Variants in BCAM observed in about 807,000 individuals in gnomAD.
The protein encoded by BCAM is basal cell adhesion molecule (Lutheran blood group), also known as basal cell adhesion molecule.
In BCAM, 61 loss-of-function variants were observed where a neutral mutation model predicts 72.4. The ratio of observed to expected loss-of-function variants is 0.84; its 90% CI spans 0.69 to 1.04. The LOEUF (loss-of-function observed/expected upper bound fraction) is 1.04, where lower values mean the gene tolerates loss of function less well. Among genes scored for constraint, BCAM ranks in the 50% least tolerant of loss-of-function variants. The probability of loss-of-function intolerance (pLI) is 0.00; values close to 1 mark genes in which losing one functional copy is unlikely to be tolerated. For missense variants in BCAM, 909 were observed against 895.0 expected (o/e 1.02, Z -0.20); for synonymous variants, 408 against 384.2 (o/e 1.06, Z -0.73).
In BCAM at chr19:44,813,831, C is replaced by T. The variant is rs1968465215; in HGVS notation, c.784+211C>T. The stretch of plus-strand genomic sequence containing the variant: ...CTGACCTCCGACCTCCACTTAGCAC[C>T]CTGGACCCCATGAAGTTTATGACTA... On this transcript the variant is annotated intron_variant, in intron 6 of 14. Coordinates refer to ENST00000270233, the MANE Select transcript of BCAM (RefSeq NM_005581.5). The surrounding 1 kb of genome is among the most constrained non-coding windows in gnomAD (Gnocchi z 4.2). Among the ~76,000 whole-genome samples, 2 of 152,134 alleles carry T rather than the reference C, an allele frequency of 1.3e-5. No individual in the cohort carries two copies. Among genetic ancestry groups the T allele is most frequent in the Non-Finnish European group, 2.9e-5 (2 of 68,024 alleles).
Position 44,812,039 on chromosome 19 carries a change from C to A in BCAM, c.205-124C>A. 1.1e-6 allele frequency: 1 copy of A among 915,796 alleles called. No homozygotes were observed. Among genetic ancestry groups the A allele is most frequent in the Non-Finnish European group, 1.7e-6 (1 of 605,232 alleles). 56.7% of individuals were successfully genotyped at this position (915,796 alleles called of 1,614,324 possible). On this transcript the variant is annotated intron_variant, in intron 2 of 14. Transcript: ENST00000270233. The surrounding 1 kb of genome is among the most constrained non-coding windows in gnomAD (Gnocchi z 5.3). ...AGAAGGTGGGGAGGGACAGAGGGAC[C>A]AGGGAGACCCATAACAAGAGGAAAA...
rs1267394362 is a variant in BCAM, at chr19:44,809,171, T to C, written c.47T>C (p.Leu16Pro). Reference protein sequence around the residue: ...APAQARGAPRLLLLAVLLAAH... With the variant: ...APAQARGAPRPLLLAVLLAAH... ...GCCCAGGCGCGCGGGGCCCCGCGGC[T>C]GCTGTTGCTCGCAGTCCTGCTGGCG... is the stretch of plus-strand genomic sequence containing the variant. The change falls in exon 1 of 15, where the codon CTG (leucine) becomes CCG (proline). Residue 16 changes from leucine (L) to proline (P), a missense_variant. Physicochemically the swap from Leu to Pro is moderately conservative, Grantham distance 98 (BLOSUM62 -3). Transcript: ENST00000270233. The C allele has an allele frequency of 1.4e-6, 2 of 1,473,316 alleles. No individual in the cohort carries two copies. Among genetic ancestry groups the C allele is most frequent in the Admixed American group, 2.3e-5 (1 of 42,870 alleles). The allele number at this position is 1,473,316 out of a possible 1,614,324, so 91.3% of individuals were successfully genotyped here. A position where few individuals can be genotyped will look rare whatever the true frequency, so the allele number is the denominator to read the frequency against.
chr19:44,820,240 C>CTA, intron 13 of BCAM: 1 of 1,007,754 alleles, frequency 9.9e-7, no homozygotes, highest in Non-Finnish European at 1.2e-6. Flanking sequence ...TCCTCCAAGC[C>CTA]TATCTCTCAC....
Position 44,818,759 on chromosome 19 carries a change from G to A in BCAM, c.1213G>A (p.Asp405Asn), listed in dbSNP as rs774225110. Residue 405 changes from aspartate (D) to asparagine (N), a missense_variant, in exon 10 of 15, where the codon GAT becomes AAT. Transcript: ENST00000270233. The surrounding 1 kb of genome is among the most constrained non-coding windows in gnomAD (Gnocchi z 4.6). ...TTCCCAGGACTCCACTCCCCTGGGC[G>A]ATGGCCCCATGCTGTCGCTCAGTTC... ...RWTKDSTPLG[D>N]GPMLSLSSIT... is the part of the protein sequence containing the mutation. 15 of 1,613,954 alleles carry A rather than the reference G, an allele frequency of 9.3e-6. No individual in the cohort carries two copies. The highest frequency in any genetic ancestry group is 8.0e-5 in the African/African-American group (6 of 74,900).
chr19:44,818,396 G>A lies in BCAM; in HGVS notation c.1079-126G>A. ...GATTTCATGGAGATGGGGTAAACCA[G>A]GAGGATTACTTGCTGTTCTCTGCTT... On this transcript the variant is annotated intron_variant, in intron 8 of 14. Coordinates refer to ENST00000270233, the MANE Select transcript of BCAM (RefSeq NM_005581.5). This position sits in a 1 kb window ranked among gnomAD's most constrained non-coding sequence, Gnocchi z 4.6. The A allele has an allele frequency of 1.4e-6, 1 of 695,450 alleles. No homozygotes were observed. The allele number at this position is 695,450 out of a possible 1,614,324, so 43.1% of individuals were successfully genotyped here. A position where few individuals can be genotyped will look rare whatever the true frequency, so the allele number is the denominator to read the frequency against.
Position 44,819,400 on chromosome 19 carries a change from A to G in BCAM, c.1528A>G (p.Lys510Glu). The change falls in exon 12 of 15, where the codon AAA (lysine) becomes GAA (glutamate). Residue 510 changes from lysine (K) to glutamate (E), a missense_variant. Transcript: ENST00000270233. ...TTGGGTGAGCAGCTCTCTGACCCTG[A>G]AAGTGACCAGCGCCCTGAGCCGCGA... ...QGWVSSSLTL[K>E]VTSALSRDGI... 6.2e-7 allele frequency: 1 copy of G among 1,614,076 alleles called. No homozygotes were observed. The highest frequency in any genetic ancestry group is 8.5e-7 in the Non-Finnish European group (1 of 1,179,952).
rs556440715 is a variant in BCAM, at chr19:44,814,211, C to A, written c.844C>A (p.Arg282Ser). 1.3e-6 allele frequency: 2 copies of A among 1,585,728 alleles called. No homozygotes were observed. Among genetic ancestry groups the A allele is most frequent in the Admixed American group, 1.9e-5 (1 of 53,344 alleles). The change falls in exon 7 of 15, where the codon CGC becomes AGC. Residue 282 changes from arginine (R) to serine (S), a missense_variant. Arg to Ser is a moderately radical substitution (Grantham distance 110, BLOSUM62 -1). Coordinates refer to ENST00000270233, the MANE Select transcript of BCAM (RefSeq NM_005581.5). This position sits in a 1 kb window ranked among gnomAD's most constrained non-coding sequence, Gnocchi z 4.6. ...CCCGTCCACCCCAGCAGGCTGGGTACGCGAGGGTGACACTGTCCAGCTGCT... is the reference window on the plus strand; with the variant it reads ...CCCGTCCACCCCAGCAGGCTGGGTAAGCGAGGGTGACACTGTCCAGCTGCT... ...GSPSTPAGWV[R>S]EGDTVQLLCR...
At position 44,813,619 on chromosome 19, in the gene BCAM, C is replaced by T; in HGVS notation, c.783C>T (p.His261=). 6.2e-7 allele frequency: 1 copy of T among 1,611,394 alleles called. No homozygotes were observed. Among genetic ancestry groups the T allele is most frequent in the Non-Finnish European group, 8.5e-7 (1 of 1,179,424 alleles). The part of the protein sequence containing the change: ...LDSPTFHLTL[H]YPTEHVQFWV... ...GCCCCACCTTCCACCTCACCCTGCACTGTGAGTCTGTGCTGGCCTTTGACC... is the reference window on the plus strand; with the variant it reads ...GCCCCACCTTCCACCTCACCCTGCATTGTGAGTCTGTGCTGGCCTTTGACC... Residue 261 remains histidine, a splice_region_variant and synonymous_variant, in exon 6 of 15, where the codon CAC becomes CAT. Transcript: ENST00000270233. This position sits in a 1 kb window ranked among gnomAD's most constrained non-coding sequence, Gnocchi z 4.2.
chr19:44,811,762 G>A, intron 2 of BCAM: 1 of 321,148 alleles, frequency 3.1e-6, no homozygotes, highest in Non-Finnish European at 5.8e-6. Context: ...GCATGTGCCT[G>A]TAATCCCAGC....
chr19:44,813,270 G>T lies in BCAM; in HGVS notation c.525G>T (p.Arg175=), dbSNP rs1261155332. The change falls in exon 5 of 15, where the codon CGG becomes CGT. Residue 175 remains arginine, a synonymous_variant. Coordinates refer to ENST00000270233, the MANE Select transcript of BCAM (RefSeq NM_005581.5). This position sits in a 1 kb window ranked among gnomAD's most constrained non-coding sequence, Gnocchi z 4.2. ...CTCAGATCGCCACCTGCAACAGCCG[G>T]AACGGGAACCCGGCCCCCAAGATCA... ...SAQEIATCNS[R]NGNPAPKITW... 6.2e-6 allele frequency: 10 copies of T among 1,613,984 alleles called. No homozygotes were observed. Among genetic ancestry groups the T allele is most frequent in the Non-Finnish European group, 8.5e-6 (10 of 1,180,018 alleles).
chr19:44,820,763 C>A lies in BCAM; in HGVS notation c.1822C>A (p.Leu608Ile). Residue 608 changes from leucine to isoleucine, a missense_variant, in exon 14 of 15, where the codon CTT (leucine) becomes ATT (isoleucine). By Grantham distance (5) the Leu-to-Ile change is conservative (BLOSUM62 2). Coordinates refer to ENST00000270233, the MANE Select transcript of BCAM (RefSeq NM_005581.5). ...SGSEQPEQTGLLMGGASGGAR... is the reference protein window; with the variant it reads ...SGSEQPEQTGILMGGASGGAR... ...GTCGGAGCAACCAGAGCAGACCGGC[C>A]TTCTCATGGGAGGTGCCTCCGGAGG... 6.7e-7 allele frequency: 1 copy of A among 1,501,918 alleles called. No individual in the cohort carries two copies. Among genetic ancestry groups the A allele is most frequent in the Non-Finnish European group, 8.9e-7 (1 of 1,120,638 alleles). The allele number at this position is 1,501,918 out of a possible 1,614,324, so 93.0% of individuals were successfully genotyped here. A position where few individuals can be genotyped will look rare whatever the true frequency, so the allele number is the denominator to read the frequency against.
intron 1 of BCAM, among the ~76,000 whole-genome samples, chr19:44,810,720 T>C (rs1274291297): frequency 6.6e-6 from 1 of 151,576 alleles, no homozygotes; most frequent in Non-Finnish European, 1.5e-5. Context: ...CCCTGGGGGG[T>C]GGCGTGTGCT....
chr19:44,812,267 G>C lies in BCAM; in HGVS notation c.309G>C (p.Gln103His). 2.5e-6 allele frequency: 4 copies of C among 1,610,568 alleles called. No individual in the cohort carries two copies. The highest frequency in any genetic ancestry group is 3.4e-6 in the Non-Finnish European group (4 of 1,178,088). Residue 103 changes from glutamine (Q) to histidine (H), a missense_variant, in exon 3 of 15, where the codon CAG (glutamine) becomes CAC (histidine). By Grantham distance (24) the Gln-to-His change is conservative. Transcript: ENST00000270233. This position sits in a 1 kb window ranked among gnomAD's most constrained non-coding sequence, Gnocchi z 5.3. ...CCCGGGGCCGCAGTCCCCCATACCA[G>C]CTGGACTCCCAGGGGCGCCTGGTGC... ...HDTRGRSPPY[Q>H]LDSQGRLVLA... is the part of the protein sequence containing the mutation.
Position 44,819,608 on chromosome 19 carries a change from G to GTGGCCGTCA in BCAM, c.1653_1661dup (p.Met552_Val554dup), listed in dbSNP as rs759619819. 10 of 1,613,370 alleles carry GTGGCCGTCA rather than the reference G, an allele frequency of 6.2e-6. No individual in the cohort carries two copies. Among genetic ancestry groups the GTGGCCGTCA allele is most frequent in the Non-Finnish European group, 8.5e-6 (10 of 1,179,692 alleles). On this transcript the variant is annotated inframe_insertion, in exon 13 of 15. Transcript: ENST00000270233. ...GAGCCCCCAGACCTCCCAGGCTGGAGTGGCCGTCATGGCCGTGGCCGTCAG... is the reference window on the plus strand; with the variant it reads ...GAGCCCCCAGACCTCCCAGGCTGGAGTGGCCGTCATGGCCGTCATGGCCGTGGCCGTCAG...
rs564937889 is a variant in BCAM at position 44,809,266 on chromosome 19, A to G, written c.82+60A>G. ...GAGAGGCCCCTGGGGACCCCGGGAA[A>G]GCGAGGAGAAAGGGCTTTACCCTGA... On this transcript the variant is annotated intron_variant, in intron 1 of 14. Coordinates refer to ENST00000270233, the MANE Select transcript of BCAM (RefSeq NM_005581.5). 249 of 1,332,966 alleles carry G rather than the reference A, an allele frequency of 1.9e-4. 5 individuals carry two copies. In the South Asian group the frequency reaches 3.9e-3, roughly 21 times the overall value. The allele number at this position is 1,332,966 out of a possible 1,614,324, so 82.6% of individuals were successfully genotyped here. A position where few individuals can be genotyped will look rare whatever the true frequency, so the allele number is the denominator to read the frequency against.
chr19:44,820,530 C>A, intron 13 of BCAM, 175 bp from the exon 14 acceptor site: 1 of 1,286,970 alleles, frequency 7.8e-7, no homozygotes, highest in Non-Finnish European at 9.8e-7. Context: ...CCAACCCTAA[C>A]CCCAGTGCCA....
chr19:44,814,625 A>AATGTGAATCT lies in BCAM; in HGVS notation c.944_953dup (p.Glu319CysfsTer32). On this transcript the variant is annotated frameshift_variant, in exon 8 of 15. Coordinates refer to ENST00000270233, the MANE Select transcript of BCAM (RefSeq NM_005581.5). LOFTEE classifies it high-confidence loss of function. The surrounding 1 kb of genome is among the most constrained non-coding windows in gnomAD (Gnocchi z 4.6). ...CCAGGATGAGCAGGAGGAAGTGCTGAATGTGAATCTCGAGGGGAACTTGAC... is the reference window on the plus strand; with the variant it reads ...CCAGGATGAGCAGGAGGAAGTGCTGAATGTGAATCTATGTGAATCTCGAGGGGAACTTGAC... 6.2e-7 allele frequency: 1 copy of AATGTGAATCT among 1,613,790 alleles called. No individual in the cohort carries two copies. The highest frequency in any genetic ancestry group is 8.5e-7 in the Non-Finnish European group (1 of 1,179,802).
chr19:44,811,238 G>A lies in BCAM; in HGVS notation c.96G>A (p.Glu32=), dbSNP rs1376629425. Residue 32 remains glutamate (E), a synonymous_variant, in exon 2 of 15, where the codon GAG becomes GAA. Transcript: ENST00000270233. ...GCTCTCTTGCAGATGCCCAGGCGGA[G>A]GTGCGCTTGTCTGTACCCCCGCTGG... The part of the protein sequence containing the change: ...LLAAHPDAQA[E]VRLSVPPLVE... 2.4e-5 allele frequency: 39 copies of A among 1,612,440 alleles called. No individual in the cohort carries two copies. The highest frequency in any genetic ancestry group is 3.2e-5 in the Non-Finnish European group (38 of 1,179,914).
chr19:44,811,995 G>A (rs778962137), intron 2 of BCAM, 168 bp from the exon 3 acceptor site: 41 of 673,094 alleles, frequency 6.1e-5, no homozygotes, highest in Admixed American at 3.0e-4. Flanking sequence ...ATCAAGAACT[G>A]ATAGGGAATG....
Sources: gnomAD v4.1 joint callset for allele counts (sites outside exome capture counted in the v4.1 genomes callset) on GRCh38, gnomAD v4.1.1 for gene constraint, Gnocchi (gnomAD v3.1) non-coding constraint, MANE v1.5 for transcripts, NCBI Gene and HGNC (gene_info 2026-07-23, HGNC 2026-07-21) for gene names.